Variants in YAF2 observed in about 807,000 individuals in gnomAD.
YAF2 encodes the protein YY1-associated factor 2.
Under a neutral mutation model 20.1 loss-of-function variants are expected in YAF2, and 7 were observed. The ratio of observed to expected loss-of-function variants is 0.35; its 90% CI spans 0.20 to 0.65. The LOEUF (loss-of-function observed/expected upper bound fraction) is 0.65. Ranked by LOEUF, YAF2 falls within the 30% of genes least tolerant of loss-of-function variation. YAF2 has a pLI of 0.69. For missense variants in YAF2, 151 were observed against 219.2 expected, an observed-to-expected ratio of 0.69 and a Z score of 1.96; for synonymous variants, 74 against 76.0, an observed-to-expected ratio of 0.97 and a Z score of 0.14.
At chr12:42,237,087 C>T (rs1013873451) in intron 2 of YAF2, among the ~76,000 whole-genome samples, 1 of 152,146 alleles carries the variant, frequency 6.6e-6, no homozygotes, top group African/African-American at 2.4e-5. Context: ...TATTAGAGTA[C>T]TGGAATAAAA....
chr12:42,199,722 G>A (rs772877777), intron 2 of YAF2, among the ~76,000 whole-genome samples: 49 of 151,828 alleles, frequency 3.2e-4, no homozygotes, highest in Non-Finnish European at 6.0e-4. Context: ...ACTAACCAAA[G>A]ACACAGAATA....
At chr12:42,210,625 G>T in intron 2 of YAF2, 1 of 1,536,006 alleles carries the variant, frequency 6.5e-7, no homozygotes, top group Non-Finnish European at 8.7e-7. Flanking sequence ...TGGATCTGTG[G>T]AGATTACCCA....
chr12:42,204,344 T>C (rs1300290235), intron 2 of YAF2, among the ~76,000 whole-genome samples: 2 of 152,202 alleles, frequency 1.3e-5, no homozygotes, highest in Non-Finnish European at 2.9e-5. Flanking sequence ...TCTGCATCCA[T>C]AGATTCAACC....
intron 2 of YAF2, among the ~76,000 whole-genome samples, chr12:42,226,059 G>C (rs946931157): frequency 2.8e-4 from 42 of 152,226 alleles, no homozygotes; most frequent in Non-Finnish European, 4.1e-4. Context: ...TCCTTGAGCA[G>C]TGGTTTGTAG....
At chr12:42,202,332 A>T (rs543031244) in intron 2 of YAF2, among the ~76,000 whole-genome samples, 2 of 152,278 alleles carry the variant, frequency 1.3e-5, no homozygotes, top group South Asian at 4.1e-4. Flanking sequence ...TTGACCTTTA[A>T]ATACATATAC....
intron 2 of YAF2, among the ~76,000 whole-genome samples, chr12:42,236,664 C>A (rs7974654): frequency 0.38 from 57,509 of 151,948 alleles, 11,095 homozygotes; most frequent in South Asian, 0.48. Flanking sequence ...TTTTTTAAAG[C>A]AACAGTAAGA....
intron 2 of YAF2, chr12:42,235,595 C>G (rs1342375842): frequency 6.9e-6 from 10 of 1,440,976 alleles, no homozygotes; most frequent in African/African-American, 1.4e-5. Context: ...CTGAGAGGGT[C>G]GTGGTGTAGA....
At position 42,237,607 on chromosome 12, in the gene YAF2, G is replaced by A. The variant is rs1424985293; in HGVS notation, c.144C>T (p.Thr48=). ...GCAGGCCCGGGACTCACCGGGTGGA[G>A]GTGCCCTTCCGCACATCGCACATCA... ...KCMMCDVRKG[T]STRKPRPVSQ... The change falls in exon 2 of 4, where the codon ACC becomes ACT. Residue 48 remains threonine, a synonymous_variant. Transcript: ENST00000534854. The A allele has an allele frequency of 2.0e-6, 3 of 1,537,902 alleles. No individual in the cohort carries two copies. The South Asian group carries it at 3.6e-5, about 19-fold the overall frequency.
At chr12:42,193,167 T>C (rs539411381) in intron 2 of YAF2, among the ~76,000 whole-genome samples, 4 of 151,878 alleles carry the variant, frequency 2.6e-5, no homozygotes, top group African/African-American at 7.3e-5. Context: ...ATACAAAAAT[T>C]AGCCGGGTGT....
At chr12:42,169,218 G>A (rs888222679) in intron 2 of YAF2, among the ~76,000 whole-genome samples, 2 of 152,116 alleles carry the variant, frequency 1.3e-5, no homozygotes, top group African/African-American at 4.8e-5. Context: ...TGACTTCTGT[G>A]TATCATGACA....
At chr12:42,225,678 A>G (rs2067668543) in intron 2 of YAF2, among the ~76,000 whole-genome samples, 1 of 152,244 alleles carries the variant, frequency 6.6e-6, no homozygotes. Context: ...GTCGAAGATT[A>G]GATGGTTGTA....
chr12:42,227,822 GC>G (rs1315626370), intron 2 of YAF2, among the ~76,000 whole-genome samples: 3 of 142,334 alleles, frequency 2.1e-5, no homozygotes, highest in African/African-American at 2.6e-5. Flanking sequence ...CGCCTGGCCA[GC>G]CGTGCCGTCC....
chr12:42,164,140 G>A (rs2065860138), intron 2 of YAF2, among the ~76,000 whole-genome samples: 2 of 152,150 alleles, frequency 1.3e-5, no homozygotes, highest in South Asian at 4.1e-4. Flanking sequence ...CTAGCCACTG[G>A]CCAACTACAG....
rs1230771998 is a variant in YAF2, at chr12:42,237,670, G to C, written c.81C>G (p.Val27=). Residue 27 remains valine, a synonymous_variant, in exon 2 of 4, where the codon GTC becomes GTG. Coordinates refer to ENST00000534854, the MANE Select transcript of YAF2 (RefSeq NM_005748.6). Reference sequence around the variant, plus strand: ...CCTCGGCGCTGTTCCGGAAGGTGCAGACGCTACAGTCCCAGTAACCCTCAT... The same window carrying C: ...CCTCGGCGCTGTTCCGGAAGGTGCACACGCTACAGTCCCAGTAACCCTCAT... The part of the protein sequence containing the change: ...SSDEGYWDCS[V]CTFRNSAEAF... The C allele has an allele frequency of 1.3e-6, 2 of 1,590,606 alleles. No homozygotes were observed. The highest frequency in any genetic ancestry group is 1.7e-6 in the Non-Finnish European group (2 of 1,169,920).
At chr12:42,236,919 C>T (rs2068179640) in intron 2 of YAF2, among the ~76,000 whole-genome samples, 2 of 152,220 alleles carry the variant, frequency 1.3e-5, no homozygotes, top group Admixed American at 1.3e-4. Flanking sequence ...AGTTATTATA[C>T]TGCAAGCTTA....
chr12:42,235,730 A>T, intron 2 of YAF2: 10 of 1,534,678 alleles, frequency 6.5e-6, no homozygotes, highest in Non-Finnish European at 8.7e-6. Context: ...ACCACTAAAA[A>T]TTGGATCTAC....
intron 1 of YAF2, 139 bp from the exon 2 acceptor site, chr12:42,237,863 G>T: frequency 1.3e-6 from 1 of 774,574 alleles, no homozygotes; most frequent in Non-Finnish European, 1.6e-6. Context: ...GGCGCGCCGC[G>T]CTCCGGCTGA....
intron 2 of YAF2, among the ~76,000 whole-genome samples, chr12:42,171,903 G>A (rs991938167): frequency 6.6e-6 from 1 of 152,172 alleles, no homozygotes; most frequent in African/African-American, 2.4e-5. Flanking sequence ...GGTTGAGGCT[G>A]CAGTAAGCCA....
At chr12:42,178,682 A>G (rs992665999) in intron 2 of YAF2, among the ~76,000 whole-genome samples, 9 of 152,134 alleles carry the variant, frequency 5.9e-5, no homozygotes, top group Non-Finnish European at 1.3e-4. Flanking sequence ...AACTACTTAT[A>G]TTTCTTTTTA....
Sources: allele counts gnomAD v4.1 joint callset (sites outside exome capture counted in the v4.1 genomes callset), GRCh38; gene constraint gnomAD v4.1.1; transcripts MANE v1.5; gene names NCBI Gene and HGNC (gene_info 2026-07-23, HGNC 2026-07-21).